The following CSMD1 variants were observed in gnomAD, a reference collection of about 807,000 sequenced individuals.
The protein encoded by CSMD1 is CUB and Sushi multiple domains 1, also known as CUB and sushi domain-containing protein 1.
In CSMD1, 213 loss-of-function variants were observed where a neutral mutation model predicts 417.5. That is an observed-to-expected ratio of 0.51 (90% CI 0.46 to 0.57). CSMD1 has a LOEUF of 0.57. CSMD1 is among the 20% of genes least tolerant of loss of function. The pLI is 0.00. For synonymous variants in CSMD1, 2,862 were observed against 1,736.8 expected, an observed-to-expected ratio of 1.65 and a Z score of -16.11; for missense variants, 6,923 against 4,529.7, an observed-to-expected ratio of 1.53 and a Z score of -15.17.
At chr8:4,104,019 G>C (rs1801438323) in intron 3 of CSMD1, among the ~76,000 whole-genome samples, 1 of 152,158 alleles carries the variant, frequency 6.6e-6, no homozygotes, top group East Asian at 1.9e-4. Flanking sequence ...GCACAGGCCT[G>C]TCCCTGCCCC....
intron 3 of CSMD1, among the ~76,000 whole-genome samples, chr8:4,215,984 G>C (rs1229298556): frequency 2.0e-5 from 3 of 152,172 alleles, no homozygotes; most frequent in Admixed American, 6.5e-5. Flanking sequence ...CTTAAACTCA[G>C]AGAGTGGTGC....
chr8:3,188,249 A>T (rs1344313656), intron 35 of CSMD1, among the ~76,000 whole-genome samples: 1 of 432 alleles, frequency 2.3e-3, no homozygotes, highest in Non-Finnish European at 6.6e-3. Context: ...GCAAAATTTA[A>T]AAAAAACAAA....
At position 4,950,536 on chromosome 8, in the gene CSMD1, G is replaced by A. The variant is rs954831161; in HGVS notation, c.85+43796C>T. ...CACTACTTTATTCATAAAAAAGTAA[G>A]TTGTTTTTAGTAAAGCAACTAACTT... On this transcript the variant is annotated intron_variant, in intron 1 of 69. Coordinates refer to ENST00000635120, the MANE Select transcript of CSMD1 (RefSeq NM_033225.6). Among the ~76,000 whole-genome samples, 6 of 152,120 alleles carry A rather than the reference G, an allele frequency of 3.9e-5. No homozygotes were observed. In the South Asian group the frequency reaches 1.2e-3, roughly 31 times the overall value.
rs559760471 is a variant in CSMD1 at position 3,718,330 on chromosome 8, G to C, written c.932-9839C>G. Among the ~76,000 whole-genome samples, 6 of 152,118 alleles carry C rather than the reference G, an allele frequency of 3.9e-5. No homozygotes were observed. The East Asian group carries it at 1.2e-3, about 29-fold the overall frequency. The stretch of plus-strand genomic sequence containing the variant: ...ATTGGATTTTTGATGTCCTTGAATA[G>C]GGACTTTTGAGAAAAACTGACAACC... On this transcript the variant is annotated intron_variant, in intron 6 of 69. Coordinates refer to ENST00000635120, the MANE Select transcript of CSMD1 (RefSeq NM_033225.6).
chr8:4,548,040 G>C (rs535067070), intron 2 of CSMD1, among the ~76,000 whole-genome samples: 84 of 152,244 alleles, frequency 5.5e-4, no homozygotes, highest in Non-Finnish European at 9.3e-4. Context: ...GTGGGTTACA[G>C]CCAACCCTTG....
At chr8:3,018,352 T>G (rs968958471) in intron 52 of CSMD1, 125 bp downstream of exon 52, 2 of 788,644 alleles carry the variant, frequency 2.5e-6, no homozygotes, top group Non-Finnish European at 3.9e-6. Context: ...CACTGGGAGG[T>G]GCAGCATTTC....
chr8:4,799,202 A>C (rs1250029528), intron 1 of CSMD1, among the ~76,000 whole-genome samples: 1 of 152,188 alleles, frequency 6.6e-6, no homozygotes, highest in African/African-American at 2.4e-5. Context: ...GAATAAGAAA[A>C]AATGTTTTGA....
At chr8:3,775,326 C>A (rs1204106820) in intron 5 of CSMD1, among the ~76,000 whole-genome samples, 1 of 152,116 alleles carries the variant, frequency 6.6e-6, no homozygotes, top group African/African-American at 2.4e-5. Context: ...GTTATGCAGG[C>A]AATGTATCCT....
At chr8:4,017,495 G>A (rs922058364) in intron 4 of CSMD1, among the ~76,000 whole-genome samples, 27 of 151,962 alleles carry the variant, frequency 1.8e-4, no homozygotes, top group Admixed American at 1.6e-3. Flanking sequence ...TAGTAGAGAC[G>A]GGGTTTCTCC....
intron 3 of CSMD1, among the ~76,000 whole-genome samples, chr8:4,245,697 G>C (rs932568632): frequency 6.6e-6 from 1 of 152,050 alleles, no homozygotes; most frequent in African/African-American, 2.4e-5. Flanking sequence ...TATCCTATGT[G>C]AGGTAATTTT....
chr8:3,775,462 A>C (rs920167114), intron 5 of CSMD1, among the ~76,000 whole-genome samples: 1 of 152,196 alleles, frequency 6.6e-6, no homozygotes, highest in East Asian at 1.9e-4. Context: ...ATCATTTATC[A>C]ATGATACTCA....
rs1817909590 is a variant in CSMD1, at chr8:3,133,542, G to T, written c.6241+8923C>A. On this transcript the variant is annotated intron_variant, in intron 41 of 69. Coordinates refer to ENST00000635120, the MANE Select transcript of CSMD1 (RefSeq NM_033225.6). ...GGCTCACGTGGACACCGGCAGACGA[G>T]AGTGAAGCCCCTAACCCACCAGGAA... 2.6e-5 allele frequency among the ~76,000 whole-genome samples: 4 copies of T among 152,182 alleles called. No homozygotes were observed. The South Asian group carries it at 8.3e-4, about 31-fold the overall frequency.
At position 4,532,438 on chromosome 8, in the gene CSMD1, A is replaced by G. The variant is rs1796872746; in HGVS notation, c.302+104904T>C. On this transcript the variant is annotated intron_variant, in intron 2 of 69. Transcript: ENST00000635120. ...GAAAATAAATCCTGCACCTTCATTC[A>G]CAGTCACTCTGGAAGAGAAATCCTG... Among the ~76,000 whole-genome samples, 3 of 140,400 alleles carry G rather than the reference A, an allele frequency of 2.1e-5. No individual in the cohort carries two copies. The Admixed American group carries it at 2.2e-4, about 10-fold the overall frequency. The allele number at this position is 140,400 out of a possible 152,430, so 92.1% of individuals were successfully genotyped here. A position where few individuals can be genotyped will look rare whatever the true frequency, so the allele number is the denominator to read the frequency against.
chr8:4,660,057 A>G (rs1804493364), intron 1 of CSMD1, among the ~76,000 whole-genome samples: 1 of 151,290 alleles, frequency 6.6e-6, no homozygotes, highest in Non-Finnish European at 1.5e-5. Flanking sequence ...CTAAGATTGG[A>G]TAAAAGAAAG....
At chr8:4,034,183 G>C (rs538901715) in intron 3 of CSMD1, among the ~76,000 whole-genome samples, 2 of 152,026 alleles carry the variant, frequency 1.3e-5, no homozygotes, top group African/African-American at 2.4e-5. Flanking sequence ...TACGGAATAG[G>C]AATCATCTAT....
At chr8:4,333,223 C>G (rs984881419) in intron 3 of CSMD1, among the ~76,000 whole-genome samples, 1 of 152,140 alleles carries the variant, frequency 6.6e-6, no homozygotes, top group Admixed American at 6.5e-5. Flanking sequence ...ACAGAAGTCA[C>G]ACCCTGCCTA....
chr8:3,697,508 C>G (rs980463554), intron 7 of CSMD1, among the ~76,000 whole-genome samples: 1 of 152,230 alleles, frequency 6.6e-6, no homozygotes, highest in East Asian at 1.9e-4. Flanking sequence ...GATAAGAAAG[C>G]TTCATTGATT....
rs115824895 is a variant in CSMD1, at chr8:4,636,447, A to G, written c.302+895T>C. On this transcript the variant is annotated intron_variant, in intron 2 of 69. Coordinates refer to ENST00000635120, the MANE Select transcript of CSMD1 (RefSeq NM_033225.6). ...AACCACAAATTCTCCAAAGAATGCA[A>G]TAGCCCTGAATGTTGTTCCCTCACC... Among the ~76,000 whole-genome samples the G allele has an allele frequency of 7.9e-3, 1,209 of 152,314 alleles. 7 individuals are homozygous for G. The highest frequency in any genetic ancestry group is 0.028 in the African/African-American group (1,157 of 41,562).
intron 52 of CSMD1, among the ~76,000 whole-genome samples, chr8:3,010,721 C>T (rs1808320113): frequency 6.6e-6 from 1 of 152,020 alleles, no homozygotes; most frequent in Non-Finnish European, 1.5e-5. Flanking sequence ...CCTATATTTC[C>T]CTTTTGCCAT....
Sources: allele counts gnomAD v4.1 joint callset (sites outside exome capture counted in the v4.1 genomes callset), GRCh38; gene constraint gnomAD v4.1.1; transcripts MANE v1.5; gene names NCBI Gene and HGNC (gene_info 2026-07-23, HGNC 2026-07-21).